EML1: variants seen among roughly 807,000 people sequenced by gnomAD.
EML1 encodes the protein echinoderm microtubule-associated protein-like 1.
Under a neutral mutation model 110.4 loss-of-function variants are expected in EML1, and 27 were observed. The observed-to-expected ratio is 0.24, with a 90% CI of 0.18 to 0.34. The LOEUF is 0.34. Among genes scored for constraint, EML1 ranks in the 10% least tolerant of loss-of-function variants. The pLI is 1.00. For missense variants in EML1, 741 were observed against 1,030.9 expected (o/e 0.72, Z 3.85); for synonymous variants, 344 against 385.8 (o/e 0.89, Z 1.27).
rs535164979 is a variant in EML1, at chr14:99,827,992, G to A, written c.68-22861G>A. Among the ~76,000 whole-genome samples the A allele has an allele frequency of 3.9e-5, 6 of 152,288 alleles. No individual in the cohort carries two copies. The South Asian group carries it at 8.3e-4, about 21-fold the overall frequency. Reference sequence around the variant, plus strand: ...GAAATGGAGGGAATTGAAGATTTCGGTGTGCTTGCAGTCTAGGTCTTGATC... The same window carrying A: ...GAAATGGAGGGAATTGAAGATTTCGATGTGCTTGCAGTCTAGGTCTTGATC... On this transcript the variant is annotated intron_variant, in intron 1 of 21. Coordinates refer to ENST00000262233, the MANE Select transcript of EML1 (RefSeq NM_004434.3). The surrounding 1 kb of genome is among the most constrained non-coding windows in gnomAD (Gnocchi z 4.4).
chr14:99,761,178 A>G (rs749538862), intron 1 of EML1, among the ~76,000 whole-genome samples: 17 of 152,186 alleles, frequency 1.1e-4, no homozygotes, highest in Non-Finnish European at 1.6e-4. Flanking sequence ...ACTTGGGCAG[A>G]GTCACACAGC....
At chr14:99,758,635 A>G (rs2057282543) in intron 1 of EML1, among the ~76,000 whole-genome samples, 1 of 152,172 alleles carries the variant, frequency 6.6e-6, no homozygotes, top group African/African-American at 2.4e-5. Context: ...GCCCTCATGC[A>G]GTGATTCATT....
At chr14:99,816,139 G>A (rs2058163211) in intron 1 of EML1, among the ~76,000 whole-genome samples, 1 of 152,114 alleles carries the variant, frequency 6.6e-6, no homozygotes, top group Non-Finnish European at 1.5e-5. Context: ...AGAGAGATCC[G>A]ACTAGACGTA....
chr14:99,821,970 C>T (rs2058270902), intron 1 of EML1, among the ~76,000 whole-genome samples: 1 of 152,194 alleles, frequency 6.6e-6, no homozygotes, highest in African/African-American at 2.4e-5. Flanking sequence ...GGTTGAAGCA[C>T]AGCTTCAAAT....
chr14:99,853,837 T>G (rs1192979553), intron 2 of EML1, among the ~76,000 whole-genome samples: 1 of 151,964 alleles, frequency 6.6e-6, no homozygotes, highest in African/African-American at 2.4e-5. Flanking sequence ...ACCTGCTAAT[T>G]TTTTTGTATT....
At position 99,940,452 on chromosome 14, in the gene EML1, G is replaced by A. The variant is rs1394949994; in HGVS notation, c.*340G>A. 1 of 172,732 alleles carries A rather than the reference G, an allele frequency of 5.8e-6. No homozygotes were observed. The highest frequency in any genetic ancestry group is 1.2e-5 in the Non-Finnish European group (1 of 82,002). The allele number at this position is 172,732 out of a possible 1,614,324, so 10.7% of individuals were successfully genotyped here. A position where few individuals can be genotyped will look rare whatever the true frequency, so the allele number is the denominator to read the frequency against. On this transcript the variant is annotated 3_prime_UTR_variant, in exon 22 of 22. Coordinates refer to ENST00000262233, the MANE Select transcript of EML1 (RefSeq NM_004434.3). ...GTCACAGAATGCCTTTTAAAACATTGTATATAATCTTCACTGTTTCACCAT... is the reference window on the plus strand; with the variant it reads ...GTCACAGAATGCCTTTTAAAACATTATATATAATCTTCACTGTTTCACCAT...
At chr14:99,748,146 C>T (rs74085364) in intron 1 of EML1, among the ~76,000 whole-genome samples, 76 of 152,248 alleles carry the variant, frequency 5.0e-4, no homozygotes, top group African/African-American at 1.7e-3. Flanking sequence ...CAGGGTCTGT[C>T]AGGTGACCCT....
intron 1 of EML1, among the ~76,000 whole-genome samples, chr14:99,753,714 G>T (rs1178767040): frequency 6.6e-6 from 1 of 152,200 alleles, no homozygotes; most frequent in African/African-American, 2.4e-5. Flanking sequence ...CACATAGTAG[G>T]TGCTCAGTGG....
intron 9 of EML1, among the ~76,000 whole-genome samples, chr14:99,903,315 G>A (rs1344466428): frequency 6.6e-6 from 1 of 152,154 alleles, no homozygotes; most frequent in Non-Finnish European, 1.5e-5. Context: ...CTCCCCATGA[G>A]AGTCCTGAAA....
intron 1 of EML1, among the ~76,000 whole-genome samples, chr14:99,776,351 A>G (rs927911230): frequency 6.6e-6 from 1 of 152,060 alleles, no homozygotes; most frequent in African/African-American, 2.4e-5. Context: ...AAAAATACAA[A>G]CAATTAGCAG....
chr14:99,858,980 A>G (rs975929159), intron 2 of EML1, among the ~76,000 whole-genome samples: 37 of 152,344 alleles, frequency 2.4e-4, no homozygotes, highest in African/African-American at 8.7e-4. Flanking sequence ...GATGTAAGTT[A>G]AAAGCATTTC....
chr14:99,835,674 A>G (rs2139787651), intron 1 of EML1, among the ~76,000 whole-genome samples: 1 of 152,322 alleles, frequency 6.6e-6, no homozygotes, highest in South Asian at 2.1e-4. Context: ...TCATTCAGTT[A>G]GAAATACTTT....
chr14:99,918,044 G>GA (rs973162891), intron 16 of EML1, among the ~76,000 whole-genome samples, 195 bp downstream of exon 16: 26 of 152,142 alleles, frequency 1.7e-4, no homozygotes, highest in Admixed American at 1.0e-3. Flanking sequence ...GGAATCTGAG[G>GA]AAAGCCATAG....
rs2140138686 is a variant in EML1, at chr14:99,937,819, GTTC to G, written c.2099_2101del (p.Val700_Pro701delinsAla). ...GCCAGACTGTTTGCTTTTTGCAGGG[GTTC>G]CCTCTGCCTGTAAGCAAGTCGTAAG... On this transcript the variant is annotated inframe_deletion, in exon 20 of 22. Transcript: ENST00000262233. 1 of 1,613,910 alleles carries G rather than the reference GTTC, an allele frequency of 6.2e-7. No individual in the cohort carries two copies. The highest frequency in any genetic ancestry group is 8.5e-7 in the Non-Finnish European group (1 of 1,179,846).
At chr14:99,744,971 G>A (rs758731886) in intron 1 of EML1, among the ~76,000 whole-genome samples, 14 of 152,186 alleles carry the variant, frequency 9.2e-5, no homozygotes, top group African/African-American at 1.4e-4. Flanking sequence ...TGAGAAGAGC[G>A]TGTTTTCTTC....
intron 4 of EML1, chr14:99,886,064 C>A: frequency 3.4e-6 from 1 of 296,584 alleles, no homozygotes. Flanking sequence ...ATAGATGGTT[C>A]TTAAATGACC....
At chr14:99,929,113 A>T (rs1346945851) in intron 17 of EML1, among the ~76,000 whole-genome samples, 2 of 152,192 alleles carry the variant, frequency 1.3e-5, no homozygotes, top group Non-Finnish European at 2.9e-5. Flanking sequence ...TGTCAGTTAC[A>T]CTAATGACCA....
intron 4 of EML1, among the ~76,000 whole-genome samples, chr14:99,879,304 G>T (rs1214317372): frequency 6.6e-6 from 1 of 152,106 alleles, no homozygotes; most frequent in African/African-American, 2.4e-5. Flanking sequence ...ACTTTGTAAA[G>T]AAAATCCAGT....
At chr14:99,826,826 C>A (rs2058368880) in intron 1 of EML1, among the ~76,000 whole-genome samples, 1 of 152,092 alleles carries the variant, frequency 6.6e-6, no homozygotes, top group Non-Finnish European at 1.5e-5. Flanking sequence ...GGAGTGGAAA[C>A]AAATCAGGCA....
Sources: gnomAD v4.1 joint callset for allele counts (sites outside exome capture counted in the v4.1 genomes callset) on GRCh38, gnomAD v4.1.1 for gene constraint, Gnocchi (gnomAD v3.1) non-coding constraint, MANE v1.5 for transcripts, NCBI Gene and HGNC (gene_info 2026-07-23, HGNC 2026-07-21) for gene names.